SLC22A23: variants seen among roughly 807,000 people sequenced by gnomAD.
SLC22A23 encodes ion transporter protein.
Under a neutral mutation model 61.0 loss-of-function variants are expected in SLC22A23, and 26 were observed. That is an observed-to-expected ratio of 0.43 (90% confidence interval 0.31 to 0.59). The LOEUF (loss-of-function observed/expected upper bound fraction) is 0.59, where lower values mean the gene tolerates loss of function less well. SLC22A23 is among the 20% of genes least tolerant of loss of function. SLC22A23 has a pLI of 0.11. For synonymous variants in SLC22A23, 430 were observed against 413.9 expected (o/e 1.04, Z -0.47); for missense variants, 796 against 934.7 (o/e 0.85, Z 1.94).
At chr6:3,351,696 CT>C (rs2127435091) in intron 3 of SLC22A23, among the ~76,000 whole-genome samples, 1 of 152,270 alleles carries the variant, frequency 6.6e-6, no homozygotes, top group East Asian at 1.9e-4. Context: ...AACCCATCTC[CT>C]CCCCCAGCCA....
chr6:3,310,841 T>C (rs1762329996), intron 4 of SLC22A23, among the ~76,000 whole-genome samples: 1 of 152,232 alleles, frequency 6.6e-6, no homozygotes, highest in Admixed American at 6.5e-5. Context: ...CTACCCTCTT[T>C]AACGTACTGT....
Position 3,386,796 on chromosome 6 carries a change from C to A in SLC22A23, c.913+23392G>T, listed in dbSNP as rs1767339416. Among the ~76,000 whole-genome samples, 1 of 152,222 alleles carries A rather than the reference C, an allele frequency of 6.6e-6. No homozygotes were observed. The highest frequency in any genetic ancestry group is 1.5e-5 in the Non-Finnish European group (1 of 68,030). ...ACTGGAAGGACATCTGGAAAGTCTG[C>A]ATACTCTGATGCTGACACACGGACC... On this transcript the variant is annotated intron_variant, in intron 3 of 9. Coordinates refer to ENST00000406686, the MANE Select transcript of SLC22A23 (RefSeq NM_015482.2). This position sits in a 1 kb window ranked among gnomAD's most constrained non-coding sequence, Gnocchi z 4.4.
intron 3 of SLC22A23, among the ~76,000 whole-genome samples, chr6:3,336,566 C>T (rs9392482): frequency 0.3 from 45,695 of 152,082 alleles, 7,741 homozygotes; most frequent in East Asian, 0.45. Flanking sequence ...AGCCAGGTGG[C>T]TGCAAGCCCT....
intron 3 of SLC22A23, among the ~76,000 whole-genome samples, chr6:3,338,464 C>T (rs1388413223): frequency 4.6e-5 from 7 of 152,234 alleles, no homozygotes; most frequent in African/African-American, 1.4e-4. Flanking sequence ...TTAGCTGGGA[C>T]TACAGGCGCA....
At chr6:3,359,478 G>A (rs891382992) in intron 3 of SLC22A23, among the ~76,000 whole-genome samples, 1 of 152,152 alleles carries the variant, frequency 6.6e-6, no homozygotes, top group Non-Finnish European at 1.5e-5. Flanking sequence ...ACATCACAGC[G>A]ACAATGTGGT....
intron 2 of SLC22A23, among the ~76,000 whole-genome samples, chr6:3,413,396 G>A (rs184752640): frequency 6.6e-6 from 1 of 152,170 alleles, no homozygotes; most frequent in South Asian, 2.1e-4. Flanking sequence ...GCCACACTCG[G>A]CCAGGAGCTG....
intron 2 of SLC22A23, among the ~76,000 whole-genome samples, chr6:3,413,744 G>T (rs1264533697): frequency 6.6e-6 from 1 of 152,228 alleles, no homozygotes; most frequent in Non-Finnish European, 1.5e-5. Context: ...TAGCCGAGAG[G>T]TCTGGAGTTC....
intron 9 of SLC22A23, among the ~76,000 whole-genome samples, chr6:3,278,908 TACTC>T (rs1466952286): frequency 1.3e-5 from 2 of 152,120 alleles, no homozygotes; most frequent in Admixed American, 6.5e-5. Context: ...GGACTCCCCT[TACTC>T]ACACGGGAGT....
At chr6:3,389,624 G>A (rs1053726530) in intron 3 of SLC22A23, among the ~76,000 whole-genome samples, 3 of 152,192 alleles carry the variant, frequency 2.0e-5, no homozygotes, top group Non-Finnish European at 4.4e-5. Flanking sequence ...CACCATTTCA[G>A]GCTCACTACA....
Position 3,283,911 on chromosome 6 carries a change from G to T in SLC22A23, c.1644C>A (p.Ser548=). The T allele has an allele frequency of 6.2e-7, 1 of 1,611,768 alleles. No individual in the cohort carries two copies. The highest frequency in any genetic ancestry group is 8.5e-7 in the Non-Finnish European group (1 of 1,178,068). The change falls in exon 9 of 10, where the codon TCC becomes TCA. Residue 548 remains serine (S), a synonymous_variant. Coordinates refer to ENST00000406686, the MANE Select transcript of SLC22A23 (RefSeq NM_015482.2). The part of the protein sequence containing the change: ...IAFSIVGMFA[S]HAVGSLSVFF... ...ACACGCTGAGGCTCCCCACCGCATG[G>T]GAGGCAAACATGCCCACGATGGAAA...
At chr6:3,299,322 G>A (rs1003150283) in intron 4 of SLC22A23, among the ~76,000 whole-genome samples, 4 of 152,086 alleles carry the variant, frequency 2.6e-5, no homozygotes, top group Non-Finnish European at 4.4e-5. Flanking sequence ...ATGATTTTAC[G>A]TTTAAAAAAT....
intron 3 of SLC22A23, among the ~76,000 whole-genome samples, chr6:3,334,274 G>A (rs1479713632): frequency 3.9e-5 from 6 of 152,236 alleles, no homozygotes; most frequent in South Asian, 4.1e-4. Flanking sequence ...CTATTCTTCC[G>A]CCTCAGCTTC....
chr6:3,279,604 T>G (rs565157475), intron 9 of SLC22A23, among the ~76,000 whole-genome samples: 5 of 149,802 alleles, frequency 3.3e-5, no homozygotes, highest in African/African-American at 9.8e-5. Context: ...TTTGGCTTTG[T>G]TTTTTTTTCT....
intron 3 of SLC22A23, among the ~76,000 whole-genome samples, chr6:3,377,514 C>T (rs184903699): frequency 9.2e-5 from 14 of 152,176 alleles, no homozygotes; most frequent in South Asian, 2.1e-4. Context: ...CTGGGTGCCA[C>T]GTGTGTGCTC....
At position 3,272,845 on chromosome 6, in the gene SLC22A23, GAA is replaced by G; in HGVS notation, c.*208_*209del. The G allele has an allele frequency of 2.1e-6, 1 of 482,912 alleles. No individual in the cohort carries two copies. Among genetic ancestry groups the G allele is most frequent in the Non-Finnish European group, 3.6e-6 (1 of 275,274 alleles). The allele number at this position is 482,912 out of a possible 1,614,324, so 29.9% of individuals were successfully genotyped here. A position where few individuals can be genotyped will look rare whatever the true frequency, so the allele number is the denominator to read the frequency against. ...AATACACACATTTAACGGCAGAAAA[GAA>G]AGTCTTGAAAGGGTTATTTCCAAAG... On this transcript the variant is annotated 3_prime_UTR_variant, in exon 10 of 10. Coordinates refer to ENST00000406686, the MANE Select transcript of SLC22A23 (RefSeq NM_015482.2).
chr6:3,278,944 C>T (rs1759160799), intron 9 of SLC22A23, among the ~76,000 whole-genome samples: 1 of 152,124 alleles, frequency 6.6e-6, no homozygotes, highest in Non-Finnish European at 1.5e-5. Flanking sequence ...GGGCAGAGTA[C>T]AGACCCCCAG....
chr6:3,318,154 AC>A lies in SLC22A23; in HGVS notation c.1082+5679del. 6.6e-6 allele frequency among the ~76,000 whole-genome samples: 1 copy of A among 152,208 alleles called. No homozygotes were observed. Among genetic ancestry groups the A allele is most frequent in the East Asian group, 1.9e-4 (1 of 5,182 alleles). Reference sequence around the variant, plus strand: ...GGTCACTTCATTCCAGAACTCTGCAACCCTGCGGCTGCTGCCTATTAACCAA... The same window carrying A: ...GGTCACTTCATTCCAGAACTCTGCAACCTGCGGCTGCTGCCTATTAACCAA... On this transcript the variant is annotated intron_variant, in intron 4 of 9. Coordinates refer to ENST00000406686, the MANE Select transcript of SLC22A23 (RefSeq NM_015482.2). The surrounding 1 kb of genome is among the most constrained non-coding windows in gnomAD (Gnocchi z 4.3).
In SLC22A23 at chr6:3,410,861, T is replaced by C. The variant is rs186695018; in HGVS notation, c.759-519A>G. Among the ~76,000 whole-genome samples the C allele has an allele frequency of 2.3e-4, 35 of 152,158 alleles. No individual in the cohort carries two copies. Among genetic ancestry groups the C allele is most frequent in the Non-Finnish European group, 4.3e-4 (29 of 67,984 alleles). ...GAGCCAGGGCCAAGCCATCTGTCAA[T>C]TTGTTTCAGCTACACGACGAGAAGT... On this transcript the variant is annotated intron_variant, in intron 2 of 9. Coordinates refer to ENST00000406686, the MANE Select transcript of SLC22A23 (RefSeq NM_015482.2). This position sits in a 1 kb window ranked among gnomAD's most constrained non-coding sequence, Gnocchi z 5.0.
Position 3,342,708 on chromosome 6 carries a change from C to T in SLC22A23, c.914-18706G>A, listed in dbSNP as rs1056570105. Among the ~76,000 whole-genome samples, 5 of 152,182 alleles carry T rather than the reference C, an allele frequency of 3.3e-5. No individual in the cohort carries two copies. Among genetic ancestry groups the T allele is most frequent in the Non-Finnish European group, 5.9e-5 (4 of 68,034 alleles). Reference sequence around the variant, plus strand: ...TCATCTGCCTGAAACTGCCATCGTACAAATAACACCTTCACATTAGTGCTG... The same window carrying T: ...TCATCTGCCTGAAACTGCCATCGTATAAATAACACCTTCACATTAGTGCTG... On this transcript the variant is annotated intron_variant, in intron 3 of 9. Coordinates refer to ENST00000406686, the MANE Select transcript of SLC22A23 (RefSeq NM_015482.2). This position sits in a 1 kb window ranked among gnomAD's most constrained non-coding sequence, Gnocchi z 4.0.
Sources: gnomAD v4.1 joint callset for allele counts (sites outside exome capture counted in the v4.1 genomes callset) on GRCh38, gnomAD v4.1.1 for gene constraint, Gnocchi (gnomAD v3.1) non-coding constraint, MANE v1.5 for transcripts, NCBI Gene and HGNC (gene_info 2026-07-23, HGNC 2026-07-21) for gene names.